The following ELAVL1 variants were observed in gnomAD, a reference collection of about 807,000 sequenced individuals.
ELAVL1 encodes the protein ELAV-like protein 1.
In ELAVL1, 1 loss-of-function variant was observed where a neutral mutation model predicts 28.4. The observed-to-expected ratio is 0.04, with a 90% CI of 0.01 to 0.17. ELAVL1 has a LOEUF of 0.17. ELAVL1 is among the 10% of genes least tolerant of loss of function. The probability of loss-of-function intolerance (pLI) is 1.00; values close to 1 mark genes in which losing one functional copy is unlikely to be tolerated. For missense variants in ELAVL1, 157 were observed against 447.2 expected (o/e 0.35, Z 5.85); for synonymous variants, 174 against 183.5 (o/e 0.95, Z 0.42).
intron 3 of ELAVL1, among the ~76,000 whole-genome samples, chr19:7,977,767 A>G (rs1168331248): frequency 6.6e-6 from 1 of 152,276 alleles, no homozygotes; most frequent in African/African-American, 2.4e-5. Flanking sequence ...CTCTCTGTGC[A>G]GGGCTGGGGC....
At chr19:7,973,995 AC>A in intron 3 of ELAVL1, 117 bp from the exon 4 acceptor site, 3 of 1,323,794 alleles carry the variant, frequency 2.3e-6, no homozygotes, top group Non-Finnish European at 3.1e-6. Flanking sequence ...CATGCAGGGA[AC>A]GATTATCATC....
At chr19:7,974,689 C>G (rs1985229119) in intron 3 of ELAVL1, among the ~76,000 whole-genome samples, 2 of 152,084 alleles carry the variant, frequency 1.3e-5, no homozygotes, top group South Asian at 2.1e-4. Flanking sequence ...GAGGAGGGAG[C>G]AGGAGATGTG....
At chr19:7,985,920 C>T (rs1256428805) in intron 2 of ELAVL1, among the ~76,000 whole-genome samples, 3 of 152,176 alleles carry the variant, frequency 2.0e-5, no homozygotes, top group East Asian at 1.9e-4. Flanking sequence ...TGCTGCTGGC[C>T]CAGGGACTGT....
At chr19:7,994,568 C>T (rs1356626214) in intron 1 of ELAVL1, among the ~76,000 whole-genome samples, 1 of 152,204 alleles carries the variant, frequency 6.6e-6, no homozygotes, top group Non-Finnish European at 1.5e-5. Flanking sequence ...AGACACTGAA[C>T]TTCATCTTCG....
intron 4 of ELAVL1, chr19:7,972,791 T>C (rs1352018160): frequency 1.5e-5 from 2 of 133,066 alleles, no homozygotes; most frequent in Non-Finnish European, 3.1e-5. Context: ...CGCACCTGGC[T>C]GCAGTATCCT....
chr19:7,992,713 T>C (rs1324624183), intron 1 of ELAVL1, among the ~76,000 whole-genome samples: 1 of 152,214 alleles, frequency 6.6e-6, no homozygotes, highest in African/African-American at 2.4e-5. Context: ...ATGAACAATA[T>C]ACAGAGTGAA....
At chr19:7,966,500 G>A (rs1358772418) in intron 5 of ELAVL1, among the ~76,000 whole-genome samples, 1 of 152,176 alleles carries the variant, frequency 6.6e-6, no homozygotes, top group African/African-American at 2.4e-5. Flanking sequence ...CCACGAGGCA[G>A]GTGTTTGAAA....
intron 1 of ELAVL1, among the ~76,000 whole-genome samples, chr19:7,992,086 G>A (rs1054961039): frequency 1.3e-5 from 2 of 151,884 alleles, no homozygotes; most frequent in African/African-American, 2.4e-5. Context: ...GATTACAGGC[G>A]TCTGCCACCA....
intron 2 of ELAVL1, among the ~76,000 whole-genome samples, chr19:7,989,281 G>C (rs1232405071): frequency 6.6e-6 from 1 of 152,212 alleles, no homozygotes. Flanking sequence ...CCAGTCACTT[G>C]AAGGGCTGCT....
In ELAVL1 at chr19:7,963,885, G is replaced by T; in HGVS notation, c.657-78C>A. Reference sequence around the variant, plus strand: ...ATGGGGCAAGGCCTGGACGCATGCTGACCATGGCCGCTGGGCCCCATCCCG... The same window carrying T: ...ATGGGGCAAGGCCTGGACGCATGCTTACCATGGCCGCTGGGCCCCATCCCG... On this transcript the variant is annotated intron_variant, in intron 5 of 5. Transcript: ENST00000407627. This position sits in a 1 kb window ranked among gnomAD's most constrained non-coding sequence, Gnocchi z 4.5. 6.8e-7 allele frequency: 1 copy of T among 1,474,782 alleles called. No individual in the cohort carries two copies. The highest frequency in any genetic ancestry group is 1.3e-5 in the South Asian group (1 of 76,596). The allele number at this position is 1,474,782 out of a possible 1,614,324, so 91.4% of individuals were successfully genotyped here. A position where few individuals can be genotyped will look rare whatever the true frequency, so the allele number is the denominator to read the frequency against.
intron 2 of ELAVL1, among the ~76,000 whole-genome samples, chr19:7,987,645 T>C (rs1174603221): frequency 1.3e-5 from 2 of 152,128 alleles, no homozygotes; most frequent in Non-Finnish European, 2.9e-5. Context: ...CAACCAGTAT[T>C]TGCTGAATGA....
chr19:7,988,241 G>T (rs954782420), intron 2 of ELAVL1, among the ~76,000 whole-genome samples: 5 of 152,176 alleles, frequency 3.3e-5, no homozygotes, highest in African/African-American at 1.2e-4. Flanking sequence ...TTTAGGGAGA[G>T]TCAGGTCAGT....
chr19:7,992,569 C>T lies in ELAVL1; in HGVS notation c.-16-738G>A, dbSNP rs139269534. Among the ~76,000 whole-genome samples the T allele has an allele frequency of 6.6e-5, 10 of 152,232 alleles. No homozygotes were observed. The East Asian group carries it at 1.2e-3, about 18-fold the overall frequency. Reference sequence around the variant, plus strand: ...CTACAGAGAAAAAGATCAATGGTTGCCAGCGATGCAGGTCGGCGTGGGGGG... The same window carrying T: ...CTACAGAGAAAAAGATCAATGGTTGTCAGCGATGCAGGTCGGCGTGGGGGG... On this transcript the variant is annotated intron_variant, in intron 1 of 5. Coordinates refer to ENST00000407627, the MANE Select transcript of ELAVL1 (RefSeq NM_001419.3).
At chr19:7,984,000 C>T (rs1279292862) in intron 2 of ELAVL1, among the ~76,000 whole-genome samples, 1 of 152,104 alleles carries the variant, frequency 6.6e-6, no homozygotes, top group Non-Finnish European at 1.5e-5. Context: ...TCAGGCTCCT[C>T]ACTCCCTGTC....
intron 1 of ELAVL1, among the ~76,000 whole-genome samples, chr19:7,992,604 T>C (rs1599678080): frequency 6.6e-6 from 1 of 152,048 alleles, no homozygotes; most frequent in Non-Finnish European, 1.5e-5. Context: ...GGACAACAAA[T>C]AGTGGAACAC....
intron 1 of ELAVL1, among the ~76,000 whole-genome samples, chr19:8,003,357 AAAAAAAAAAAAAAAAAAGAAAAAG>A (rs2081075013): frequency 7.1e-5 from 5 of 70,298 alleles, no homozygotes; most frequent in African/African-American, 2.4e-4. Flanking sequence ...AACTGTCTCA[AAAAAAAAAAAAAAAAAAGAAAAAG>A]AAAAAAAAAA....
intron 2 of ELAVL1, among the ~76,000 whole-genome samples, chr19:7,988,522 C>G (rs1197442383): frequency 6.6e-6 from 1 of 152,170 alleles, no homozygotes; most frequent in African/African-American, 2.4e-5. Context: ...GGAGGTGCTC[C>G]TGAAAGCCAA....
At chr19:7,995,868 T>A (rs1985861315) in intron 1 of ELAVL1, among the ~76,000 whole-genome samples, 1 of 150,826 alleles carries the variant, frequency 6.6e-6, no homozygotes, top group Non-Finnish European at 1.5e-5. Flanking sequence ...AGAATTAAAA[T>A]CCACCAACTG....
intron 3 of ELAVL1, among the ~76,000 whole-genome samples, chr19:7,980,445 G>A (rs896140472): frequency 1.3e-5 from 2 of 152,200 alleles, no homozygotes; most frequent in African/African-American, 4.8e-5. Flanking sequence ...CCCAGTGCAC[G>A]AGAGCGCGGG....
Sources: allele counts gnomAD v4.1 joint callset (sites outside exome capture counted in the v4.1 genomes callset), GRCh38; gene constraint gnomAD v4.1.1; non-coding constraint Gnocchi (gnomAD v3.1); transcripts MANE v1.5; gene names NCBI Gene and HGNC (gene_info 2026-07-23, HGNC 2026-07-21).